The following COL4A2 variants were observed in gnomAD, a reference collection of about 807,000 sequenced individuals.
COL4A2 encodes the protein collagen type IV alpha 2 chain.
A neutral mutation model predicts 200.2 loss-of-function variants in COL4A2; 99 were observed. The observed-to-expected ratio is 0.49, with a 90% CI of 0.42 to 0.58. The LOEUF (loss-of-function observed/expected upper bound fraction) is 0.58. COL4A2 is among the 20% of genes least tolerant of loss of function. COL4A2 has a pLI of 0.00. For missense variants in COL4A2, 1,950 were observed against 2,314.1 expected (o/e 0.84, Z 3.23); for synonymous variants, 897 against 900.6 (o/e 1.00, Z 0.07).
chr13:110,501,832 G>C, intron 41 of COL4A2, 48 bp downstream of exon 41: 1 of 1,553,858 alleles, frequency 6.4e-7, no homozygotes, highest in Non-Finnish European at 8.8e-7. Flanking sequence ...AGGGGCAGGA[G>C]CTGGCAATGG....
chr13:110,331,817 C>A (rs1287809697), intron 3 of COL4A2, among the ~76,000 whole-genome samples: 2 of 152,098 alleles, frequency 1.3e-5, no homozygotes, highest in African/African-American at 4.8e-5. Context: ...TGTGATCTGC[C>A]ACTTCCAGCC....
chr13:110,448,825 G>A (rs2139479541), intron 18 of COL4A2, among the ~76,000 whole-genome samples: 1 of 152,336 alleles, frequency 6.6e-6, no homozygotes, highest in South Asian at 2.1e-4. Flanking sequence ...ACCCTGTGAG[G>A]TGGAGATGGA....
In COL4A2 at chr13:110,458,718, G is replaced by C. The variant is rs139758202; in HGVS notation, c.1433-53G>C. ...CCCGCTGCCTGATACCCCTCTCCCCGCCACGCTAAGAGGAATGCGGAACAA... is the reference window on the plus strand; with the variant it reads ...CCCGCTGCCTGATACCCCTCTCCCCCCCACGCTAAGAGGAATGCGGAACAA... On this transcript the variant is annotated intron_variant, in intron 21 of 47. Transcript: ENST00000360467. 32 of 1,608,450 alleles carry C rather than the reference G, an allele frequency of 2.0e-5. 1 individual carries two copies. Among genetic ancestry groups the C allele is most frequent in the Non-Finnish European group, 2.6e-5 (31 of 1,177,156 alleles).
chr13:110,489,699 T>C lies in COL4A2; in HGVS notation c.3272-12T>C, dbSNP rs971228037. The C allele has an allele frequency of 8.1e-6, 13 of 1,614,128 alleles. No individual in the cohort carries two copies. In the African/African-American group the frequency reaches 1.3e-4, roughly 17 times the overall value. On this transcript the variant is annotated splice_polypyrimidine_tract_variant and intron_variant, in intron 35 of 47. Coordinates refer to ENST00000360467, the MANE Select transcript of COL4A2 (RefSeq NM_001846.4). ...AAGTCCTGTTCTTAGCCGTCTTTTT[T>C]GCATGTAACAGGTGACATCGGGGAC...
intron 4 of COL4A2, among the ~76,000 whole-genome samples, chr13:110,396,907 G>A (rs1041964367): frequency 6.6e-6 from 1 of 152,206 alleles, no homozygotes; most frequent in South Asian, 2.1e-4. Flanking sequence ...CAGAGGTCTA[G>A]TCAATGTGCA....
rs1315788849 is a variant in COL4A2 at position 110,492,005 on chromosome 13, G to A, written c.3455-65G>A. On this transcript the variant is annotated intron_variant, in intron 37 of 47. Coordinates refer to ENST00000360467, the MANE Select transcript of COL4A2 (RefSeq NM_001846.4). ...CCCAGAGCGGCTGCCCCTCCTGCCAGGACCTCACCACACAGCGCCCAAGGT... is the reference window on the plus strand; with the variant it reads ...CCCAGAGCGGCTGCCCCTCCTGCCAAGACCTCACCACACAGCGCCCAAGGT... 6 of 1,425,250 alleles carry A rather than the reference G, an allele frequency of 4.2e-6. No individual in the cohort carries two copies. The East Asian group carries it at 1.0e-4, about 24-fold the overall frequency. 88.3% of individuals were successfully genotyped at this position (1,425,250 alleles called of 1,614,324 possible).
At chr13:110,498,720 T>G (rs1883539086) in intron 40 of COL4A2, among the ~76,000 whole-genome samples, 1 of 152,254 alleles carries the variant, frequency 6.6e-6, no homozygotes, top group Non-Finnish European at 1.5e-5. Context: ...AGGATAATTT[T>G]CTGACATCAG....
Position 110,512,314 on chromosome 13 carries a change from T to C in COL4A2, c.*123T>C. ...AAAAAGTCTACCAAAGGAATTTGCA[T>C]CCAGCAGCAGCACTTAGACCTGCCA... is the stretch of plus-strand genomic sequence containing the variant. On this transcript the variant is annotated 3_prime_UTR_variant, in exon 48 of 48. Transcript: ENST00000360467. The C allele has an allele frequency of 1.4e-6, 2 of 1,419,742 alleles. No individual in the cohort carries two copies. Among genetic ancestry groups the C allele is most frequent in the East Asian group, 2.5e-5 (1 of 39,926 alleles). 87.9% of individuals were successfully genotyped at this position (1,419,742 alleles called of 1,614,324 possible).
Position 110,458,244 on chromosome 13 carries a change from C to T in COL4A2, c.1433-527C>T, listed in dbSNP as rs544466817. 520 of 410,732 alleles carry T rather than the reference C, an allele frequency of 1.3e-3. 11 individuals carry two copies. The highest frequency in any genetic ancestry group is 9.4e-3 in the South Asian group (497 of 52,940). 25.4% of individuals were successfully genotyped at this position (410,732 alleles called of 1,614,324 possible). On this transcript the variant is annotated intron_variant, in intron 21 of 47. Transcript: ENST00000360467. ...GTGCCCTGGGGGAGCCAACCCCTGC[C>T]GCCAGCATGGTGCTGCCTTGCTGCC...
intron 33 of COL4A2, 82 bp from the exon 34 acceptor site, chr13:110,485,573 T>G (rs969339694): frequency 3.4e-5 from 30 of 892,944 alleles, no homozygotes; most frequent in Non-Finnish European, 4.6e-5. Context: ...GACAGCAAAA[T>G]GCATCCAGGC....
chr13:110,471,834 C>T (rs1181865167), intron 28 of COL4A2, among the ~76,000 whole-genome samples: 1 of 152,150 alleles, frequency 6.6e-6, no homozygotes, highest in Non-Finnish European at 1.5e-5. Flanking sequence ...CCGAGCCTGC[C>T]GTGTACTTGA....
At chr13:110,474,790 TGTG>T (rs1480427723) in intron 29 of COL4A2, among the ~76,000 whole-genome samples, 1 of 146,962 alleles carries the variant, frequency 6.8e-6, no homozygotes, top group Non-Finnish European at 1.5e-5. Context: ...CACACGTGCC[TGTG>T]TACACTCACA....
In COL4A2 at chr13:110,446,050, G is replaced by A. The variant is rs549317216; in HGVS notation, c.1011+168G>A. On this transcript the variant is annotated intron_variant, in intron 17 of 47. Transcript: ENST00000360467. ...ACAGACGAGGTGGATGGTGACCTAC[G>A]AGCCACGTGTGCTCCCTGCCAGGGA... Among the ~76,000 whole-genome samples, 104 of 152,300 alleles carry A rather than the reference G, an allele frequency of 6.8e-4. 1 individual carries two copies. In the South Asian group the frequency reaches 0.02, roughly 30 times the overall value.
At chr13:110,438,570 A>T (rs1555328871) in intron 14 of COL4A2, 48 bp from the exon 15 acceptor site, 1 of 1,612,578 alleles carries the variant, frequency 6.2e-7, no homozygotes, top group East Asian at 2.2e-5. Context: ...TGTTGGCTGG[A>T]GGGGCCGCCC....
Position 110,462,364 on chromosome 13 carries a change from C to T in COL4A2, c.1756C>T (p.Pro586Ser). The change falls in exon 24 of 48, where the codon CCC becomes TCC. Residue 586 changes from proline (P) to serine (S), a missense_variant. Around this residue, in one of 2 missense-constraint regions of COL4A2, gnomAD observed 1,385 missense variants for 1,720.5 expected, o/e 0.80. Transcript: ENST00000360467. ...AGGCCGCGATGGGCTCGATGGATTCCCCGGCCTCCCAGGCCCTCCCGTGAG... is the reference window on the plus strand; with the variant it reads ...AGGCCGCGATGGGCTCGATGGATTCTCCGGCCTCCCAGGCCCTCCCGTGAG... ...SPGRDGLDGFPGLPGPPGDGI... is the reference protein window; with the variant it reads ...SPGRDGLDGFSGLPGPPGDGI... 1 of 1,613,638 alleles carries T rather than the reference C, an allele frequency of 6.2e-7. No individual in the cohort carries two copies. Among genetic ancestry groups the T allele is most frequent in the Non-Finnish European group, 8.5e-7 (1 of 1,180,016 alleles).
intron 3 of COL4A2, among the ~76,000 whole-genome samples, chr13:110,336,985 G>A (rs2139367620): frequency 6.6e-6 from 1 of 152,322 alleles, no homozygotes; most frequent in East Asian, 1.9e-4. Context: ...TACATCAGAA[G>A]TTCCCAAATG....
rs747059028 is a variant in COL4A2, at chr13:110,465,471, C to T, written c.1843C>T (p.Pro615Ser). ...YPGIPGTKGT[P>S]GEMGPPGLGL... Reference sequence around the variant, plus strand: ...AGGAATACCTGGAACGAAGGGTACTCCAGGAGAAATGGGCCCCCCAGGACT... The same window carrying T: ...AGGAATACCTGGAACGAAGGGTACTTCAGGAGAAATGGGCCCCCCAGGACT... Residue 615 changes from proline (P) to serine (S), a missense_variant, in exon 25 of 48, where the codon CCA becomes TCA. Pro to Ser is a moderately conservative substitution (Grantham distance 74, BLOSUM62 -1). Around this residue, in one of 2 missense-constraint regions of COL4A2, gnomAD observed 1,385 missense variants for 1,720.5 expected, o/e 0.80. Coordinates refer to ENST00000360467, the MANE Select transcript of COL4A2 (RefSeq NM_001846.4). The T allele has an allele frequency of 1.9e-6, 3 of 1,613,888 alleles. No homozygotes were observed. The highest frequency in any genetic ancestry group is 1.3e-5 in the African/African-American group (1 of 74,944).
chr13:110,312,709 AG>A (rs1381044510), intron 3 of COL4A2, among the ~76,000 whole-genome samples: 1 of 152,226 alleles, frequency 6.6e-6, no homozygotes, highest in Non-Finnish European at 1.5e-5. Context: ...TCACTGCTGA[AG>A]GTAGGAGGCA....
At chr13:110,388,635 GC>G (rs1381950632) in intron 4 of COL4A2, among the ~76,000 whole-genome samples, 1 of 152,118 alleles carries the variant, frequency 6.6e-6, no homozygotes, top group Admixed American at 6.5e-5. Context: ...TGATGAGTCA[GC>G]AAAAAAAATT....
Sources: allele counts gnomAD v4.1 joint callset (sites outside exome capture counted in the v4.1 genomes callset), GRCh38; gene constraint gnomAD v4.1.1; regional missense constraint gnomAD v4.1.1; transcripts MANE v1.5; gene names NCBI Gene and HGNC (gene_info 2026-07-23, HGNC 2026-07-21).